EBF3: variants seen among roughly 807,000 people sequenced by gnomAD.
EBF3 encodes transcription factor COE3.
In EBF3, 18 loss-of-function variants were observed where a neutral mutation model predicts 77.1. The ratio of observed to expected loss-of-function variants is 0.23; its 90% CI spans 0.16 to 0.35. EBF3 has a LOEUF of 0.35. Ranked by LOEUF, EBF3 falls within the 10% of genes least tolerant of loss-of-function variation. EBF3 has a pLI of 1.00. For synonymous variants in EBF3, 350 were observed against 343.5 expected (o/e 1.02, Z -0.21); for missense variants, 558 against 860.0 (o/e 0.65, Z 4.39).
intron 6 of EBF3, among the ~76,000 whole-genome samples, chr10:129,925,858 C>T (rs542049701): frequency 5.9e-5 from 9 of 152,256 alleles, no homozygotes; most frequent in Non-Finnish European, 1.2e-4. Flanking sequence ...GTCTAGTGCA[C>T]GAGAATTCTC....
intron 6 of EBF3, among the ~76,000 whole-genome samples, chr10:129,930,976 T>C (rs1350147402): frequency 2.6e-5 from 4 of 151,342 alleles, no homozygotes; most frequent in Non-Finnish European, 5.9e-5. Context: ...CTCTCATATA[T>C]CTATATCTCT....
At position 129,964,060 on chromosome 10, in the gene EBF3, C is replaced by G. The variant is rs1859748059; in HGVS notation, c.-292G>C. On this transcript the variant is annotated 5_prime_UTR_variant, in exon 1 of 17. Transcript: ENST00000440978. The surrounding 1 kb of genome is among the most constrained non-coding windows in gnomAD (Gnocchi z 4.5). ...GTTGTTGTTGTTGTTTGCAGGCGCGCTCAACGTGGTGTCATCCTAGCCAGG... is the reference window on the plus strand; with the variant it reads ...GTTGTTGTTGTTGTTTGCAGGCGCGGTCAACGTGGTGTCATCCTAGCCAGG... The G allele has an allele frequency of 2.0e-6, 2 of 985,092 alleles. No homozygotes were observed. Among genetic ancestry groups the G allele is most frequent in the Non-Finnish European group, 2.4e-6 (2 of 829,878 alleles). The allele number at this position is 985,092 out of a possible 1,614,324, so 61.0% of individuals were successfully genotyped here. A position where few individuals can be genotyped will look rare whatever the true frequency, so the allele number is the denominator to read the frequency against.
In EBF3 at chr10:129,963,192, G is replaced by A. The variant is rs1165754602; in HGVS notation, c.291+175C>T. The A allele has an allele frequency of 2.6e-6, 3 of 1,152,822 alleles. No homozygotes were observed. In the African/African-American group the frequency reaches 4.8e-5, roughly 18 times the overall value. 71.4% of individuals were successfully genotyped at this position (1,152,822 alleles called of 1,614,324 possible). A position where few individuals can be genotyped will look rare whatever the true frequency, so the allele number is the denominator to read the frequency against. ...CTCCTCGCCCCGAGTAAGTCCGAGG[G>A]CGCAGAGAAGTTGCCCAGCCCTCGG... On this transcript the variant is annotated intron_variant, in intron 2 of 16. Transcript: ENST00000440978. This position sits in a 1 kb window ranked among gnomAD's most constrained non-coding sequence, Gnocchi z 7.1.
chr10:129,894,923 T>A (rs1048229938), intron 6 of EBF3, among the ~76,000 whole-genome samples: 1 of 152,226 alleles, frequency 6.6e-6, no homozygotes, highest in African/African-American at 2.4e-5. Flanking sequence ...GCAGCCTGTC[T>A]GCAGATGTGG....
chr10:129,934,164 A>C (rs988259255), intron 6 of EBF3, among the ~76,000 whole-genome samples: 1 of 151,938 alleles, frequency 6.6e-6, no homozygotes, highest in African/African-American at 2.4e-5. Context: ...GCCTAGTATT[A>C]ATATCCCCCC....
intron 6 of EBF3, among the ~76,000 whole-genome samples, chr10:129,936,273 G>A (rs1182737859): frequency 6.6e-6 from 1 of 152,180 alleles, no homozygotes; most frequent in Non-Finnish European, 1.5e-5. Context: ...TCTACCAGGT[G>A]GAACCAGGAC....
At chr10:129,912,358 A>G (rs1014549100) in intron 6 of EBF3, among the ~76,000 whole-genome samples, 1 of 152,222 alleles carries the variant, frequency 6.6e-6, no homozygotes, top group Non-Finnish European at 1.5e-5. Flanking sequence ...CCATATGCAG[A>G]GCTGCCTGCT....
At chr10:129,871,658 C>T (rs543218227) in intron 8 of EBF3, among the ~76,000 whole-genome samples, 3 of 152,310 alleles carry the variant, frequency 2.0e-5, no homozygotes, top group African/African-American at 7.2e-5. Context: ...TAAGTGTCAA[C>T]TCTCTCAGGA....
intron 6 of EBF3, among the ~76,000 whole-genome samples, chr10:129,956,242 A>G (rs1037086131): frequency 3.3e-5 from 5 of 152,246 alleles, no homozygotes; most frequent in East Asian, 1.9e-4. Context: ...ACTGGACAGC[A>G]AAGTTCATGA....
At position 129,963,728 on chromosome 10, in the gene EBF3, G is replaced by A. The variant is rs760682624; in HGVS notation, c.41C>T (p.Thr14Ile). The part of the protein sequence containing the change: ...IQENIPRGGT[T>I]MKEEPLGSGM... Reference sequence around the variant, plus strand: ...GCTGCCCAGCGGCTCCTCCTTCATGGTCGTCCCCCCGCGCGGAATATTCTC... The same window carrying A: ...GCTGCCCAGCGGCTCCTCCTTCATGATCGTCCCCCCGCGCGGAATATTCTC... The change falls in exon 1 of 17, where the codon ACC becomes ATC. Residue 14 changes from threonine (T) to isoleucine (I), a missense_variant. Thr to Ile is a moderately conservative substitution (Grantham distance 89). Transcript: ENST00000440978. The surrounding 1 kb of genome is among the most constrained non-coding windows in gnomAD (Gnocchi z 7.1). 5 of 1,537,194 alleles carry A rather than the reference G, an allele frequency of 3.3e-6. No individual in the cohort carries two copies. The highest frequency in any genetic ancestry group is 4.4e-6 in the Non-Finnish European group (5 of 1,135,258).
In EBF3 at chr10:129,848,323, G is replaced by T. The variant is rs1850620027; in HGVS notation, c.1128+69C>A. The T allele has an allele frequency of 6.7e-7, 1 of 1,488,692 alleles. No individual in the cohort carries two copies. The highest frequency in any genetic ancestry group is 9.4e-7 in the Non-Finnish European group (1 of 1,066,280). The allele number at this position is 1,488,692 out of a possible 1,614,324, so 92.2% of individuals were successfully genotyped here. On this transcript the variant is annotated intron_variant, in intron 11 of 16. Transcript: ENST00000440978. The surrounding 1 kb of genome is among the most constrained non-coding windows in gnomAD (Gnocchi z 4.4). ...ATCCCCCCTTCCCAGAGCACCTGCT[G>T]CCCCCAAACCAGAACCAGCCCAGTG...
Position 129,837,891 on chromosome 10 carries a change from T to C in EBF3, c.*52A>G. On this transcript the variant is annotated 3_prime_UTR_variant, in exon 17 of 17. Coordinates refer to ENST00000440978, the MANE Select transcript of EBF3 (RefSeq NM_001375380.1). ...TAAACGTGTCCCCTGAAGTCCGTCC[T>C]TTGATGCTGGGTGCTGCGGAAGGTA... The C allele has an allele frequency of 6.2e-7, 1 of 1,614,092 alleles. No homozygotes were observed. The highest frequency in any genetic ancestry group is 2.2e-5 in the East Asian group (1 of 44,882).
Position 129,837,875 on chromosome 10 carries a change from C to A in EBF3, c.*68G>T. The A allele has an allele frequency of 6.2e-7, 1 of 1,611,064 alleles. No individual in the cohort carries two copies. Among genetic ancestry groups the A allele is most frequent in the Admixed American group, 1.7e-5 (1 of 59,954 alleles). The stretch of plus-strand genomic sequence containing the variant: ...GCATGTCTTAATATACTAAACGTGT[C>A]CCCTGAAGTCCGTCCTTTGATGCTG... On this transcript the variant is annotated 3_prime_UTR_variant, in exon 17 of 17. Transcript: ENST00000440978.
rs35249799 is a variant in EBF3 at position 129,842,762 on chromosome 10, TAAA to T, written c.1194+372_1194+374del. ...CTGGGTGACAGAGCAAGACCCTGTC[TAAA>T]AAAAAAAAAAAAAAAAGGGAGCAAC... is the stretch of plus-strand genomic sequence containing the variant. On this transcript the variant is annotated intron_variant, in intron 12 of 16. Coordinates refer to ENST00000440978, the MANE Select transcript of EBF3 (RefSeq NM_001375380.1). The surrounding 1 kb of genome is among the most constrained non-coding windows in gnomAD (Gnocchi z 4.4). Among the ~76,000 whole-genome samples the T allele has an allele frequency of 2.7e-5, 3 of 112,736 alleles. No homozygotes were observed. Among genetic ancestry groups the T allele is most frequent in the South Asian group, 3.2e-4 (1 of 3,128 alleles). 74.0% of individuals were successfully genotyped at this position (112,736 alleles called of 152,430 possible).
At chr10:129,920,596 A>G (rs903528330) in intron 6 of EBF3, among the ~76,000 whole-genome samples, 9 of 152,210 alleles carry the variant, frequency 5.9e-5, no homozygotes, top group Non-Finnish European at 1.2e-4. Context: ...AACCTGACTC[A>G]TTTTATAGAA....
chr10:129,936,731 G>A (rs1300666679), intron 6 of EBF3, among the ~76,000 whole-genome samples: 1 of 151,694 alleles, frequency 6.6e-6, no homozygotes, highest in Non-Finnish European at 1.5e-5. Flanking sequence ...GGGACCCAGG[G>A]GGCTATGGGG....
At position 129,844,066 on chromosome 10, in the gene EBF3, C is replaced by T. The variant is rs143119290; in HGVS notation, c.1129-864G>A. On this transcript the variant is annotated intron_variant, in intron 11 of 16. Coordinates refer to ENST00000440978, the MANE Select transcript of EBF3 (RefSeq NM_001375380.1). ...ATAAGCCGAGGCCAGGCCCAAACCC[C>T]TCCCCAGCATGGAAGACGGGCAGAG... Among the ~76,000 whole-genome samples, 22 of 152,336 alleles carry T rather than the reference C, an allele frequency of 1.4e-4. No homozygotes were observed. In the East Asian group the frequency reaches 4.2e-3, roughly 29 times the overall value.
intron 10 of EBF3, among the ~76,000 whole-genome samples, chr10:129,857,303 C>G (rs767286479): frequency 1.3e-5 from 2 of 152,166 alleles, no homozygotes; most frequent in African/African-American, 4.8e-5. Context: ...ATAGGGGTTC[C>G]CAAATGCCAA....
intron 6 of EBF3, among the ~76,000 whole-genome samples, chr10:129,948,633 G>A (rs562787591): frequency 2.0e-5 from 3 of 151,326 alleles, no homozygotes; most frequent in Non-Finnish European, 4.4e-5. Flanking sequence ...GGGGGGTGGG[G>A]GGAGGTGGGG....
Sources: allele counts gnomAD v4.1 joint callset (sites outside exome capture counted in the v4.1 genomes callset), GRCh38; gene constraint gnomAD v4.1.1; non-coding constraint Gnocchi (gnomAD v3.1); transcripts MANE v1.5; gene names NCBI Gene and HGNC (gene_info 2026-07-23, HGNC 2026-07-21).